Variants in L3MBTL4 observed in about 807,000 individuals in gnomAD.
L3MBTL4 encodes the protein L3MBTL histone methyl-lysine binding protein 4.
A neutral mutation model predicts 84.5 loss-of-function variants in L3MBTL4; 70 were observed. The observed-to-expected ratio is 0.83, with a 90% CI of 0.68 to 1.01. L3MBTL4 has a LOEUF of 1.01. L3MBTL4 is among the 50% of genes least tolerant of loss of function. The probability of loss-of-function intolerance (pLI) is 0.00; values close to 1 mark genes in which losing one functional copy is unlikely to be tolerated. For synonymous variants in L3MBTL4, 274 were observed against 259.8 expected (o/e 1.05, Z -0.52); for missense variants, 715 against 754.8 (o/e 0.95, Z 0.62).
intron 16 of L3MBTL4, among the ~76,000 whole-genome samples, chr18:6,014,772 A>G (rs1481282852): frequency 6.6e-6 from 1 of 152,128 alleles, no homozygotes; most frequent in Non-Finnish European, 1.5e-5. Flanking sequence ...AATATTGGGG[A>G]AACTTTGGCG....
At position 6,115,226 on chromosome 18, in the gene L3MBTL4, T is replaced by C. The variant is rs528162446; in HGVS notation, c.1200-21698A>G. Among the ~76,000 whole-genome samples the C allele has an allele frequency of 4.6e-5, 7 of 152,198 alleles. No homozygotes were observed. The East Asian group carries it at 1.2e-3, about 25-fold the overall frequency. On this transcript the variant is annotated intron_variant, in intron 14 of 18. Transcript: ENST00000317931. ...TGCTTAAAGCAGAGTGGTGGGACAG[T>C]GAGATTCACATTTGGGAATGATTGG... is the stretch of plus-strand genomic sequence containing the variant.
intron 16 of L3MBTL4, among the ~76,000 whole-genome samples, chr18:6,069,559 C>T (rs2145960075): frequency 6.6e-6 from 1 of 152,232 alleles, no homozygotes; most frequent in Non-Finnish European, 1.5e-5. Flanking sequence ...CGGGTCTGTG[C>T]TCTGACTCTT....
chr18:6,149,247 G>C (rs2042785312), intron 13 of L3MBTL4, among the ~76,000 whole-genome samples: 1 of 134,584 alleles, frequency 7.4e-6, no homozygotes, highest in African/African-American at 2.8e-5. Flanking sequence ...CCCTTCCTGT[G>C]TCCATGTGTT....
rs370054561 is a variant in L3MBTL4, at chr18:6,414,578, G to T, written c.-91+223C>A. 6.6e-6 allele frequency: 1 copy of T among 151,990 alleles called. No individual in the cohort carries two copies. Among genetic ancestry groups the T allele is most frequent in the African/African-American group, 2.4e-5 (1 of 41,400 alleles). 9.4% of individuals were successfully genotyped at this position (151,990 alleles called of 1,614,324 possible). ...GACAAGTGAGGCAGCGCCTCTCGCG[G>T]GGAGCCCGGCGCGCGCCCCGGCGGC... is the stretch of plus-strand genomic sequence containing the variant. On this transcript the variant is annotated intron_variant, in intron 1 of 18. Transcript: ENST00000317931. This position sits in a 1 kb window ranked among gnomAD's most constrained non-coding sequence, Gnocchi z 5.4.
At chr18:6,167,767 C>A (rs1014030965) in intron 13 of L3MBTL4, among the ~76,000 whole-genome samples, 12 of 152,268 alleles carry the variant, frequency 7.9e-5, no homozygotes, top group African/African-American at 2.9e-4. Flanking sequence ...AAAACTGGCA[C>A]AAGACAGGGA....
intron 13 of L3MBTL4, among the ~76,000 whole-genome samples, chr18:6,146,858 A>G (rs2042677229): frequency 6.6e-6 from 1 of 152,132 alleles, no homozygotes; most frequent in Admixed American, 6.6e-5. Flanking sequence ...GAGGATGAGC[A>G]GTGGGGCGAT....
intron 1 of L3MBTL4, among the ~76,000 whole-genome samples, chr18:6,391,034 A>C (rs759451552): frequency 3.1e-4 from 47 of 152,284 alleles, no homozygotes; most frequent in Middle Eastern, 3.4e-3. Flanking sequence ...ACAAAAAAAA[A>C]CAAAAGTCTA....
intron 12 of L3MBTL4, among the ~76,000 whole-genome samples, chr18:6,198,560 G>T (rs935938103): frequency 3.9e-5 from 6 of 152,026 alleles, no homozygotes; most frequent in Admixed American, 3.9e-4. Context: ...TTTTCTTCAC[G>T]TTCCTTTGTC....
chr18:6,348,308 A>C (rs545133644), intron 1 of L3MBTL4, among the ~76,000 whole-genome samples: 2 of 152,104 alleles, frequency 1.3e-5, no homozygotes, highest in Non-Finnish European at 2.9e-5. Flanking sequence ...TGGAAATACA[A>C]ATATGAGAAG....
intron 14 of L3MBTL4, among the ~76,000 whole-genome samples, chr18:6,101,919 T>G (rs995537448): frequency 6.6e-6 from 1 of 152,176 alleles, no homozygotes; most frequent in African/African-American, 2.4e-5. Flanking sequence ...TGCATGGCAT[T>G]GAAAGACCCC....
At chr18:5,956,471 T>G in intron 18 of L3MBTL4, 84 bp from the exon 19 acceptor site, 1 of 1,325,424 alleles carries the variant, frequency 7.5e-7, no homozygotes, top group Non-Finnish European at 1.1e-6. Flanking sequence ...GTTCTGAGTG[T>G]GATGTGGAAC....
At chr18:5,993,492 T>A (rs2053798536) in intron 16 of L3MBTL4, among the ~76,000 whole-genome samples, 1 of 152,234 alleles carries the variant, frequency 6.6e-6, no homozygotes, top group African/African-American at 2.4e-5. Flanking sequence ...TATTTCACTC[T>A]ATTTCTGAAC....
intron 16 of L3MBTL4, among the ~76,000 whole-genome samples, chr18:5,980,214 A>G (rs1018654543): frequency 5.9e-5 from 9 of 152,162 alleles, no homozygotes; most frequent in Non-Finnish European, 1.2e-4. Flanking sequence ...CTGTTTTCAC[A>G]GGCTTATGTG....
At chr18:6,286,286 A>G (rs1016870692) in intron 4 of L3MBTL4, among the ~76,000 whole-genome samples, 8 of 151,794 alleles carry the variant, frequency 5.3e-5, no homozygotes, top group Non-Finnish European at 7.4e-5. Context: ...CAATATGGTG[A>G]AACCCCATCT....
chr18:6,342,141 A>G (rs2052637904), intron 1 of L3MBTL4, among the ~76,000 whole-genome samples: 1 of 152,214 alleles, frequency 6.6e-6, no homozygotes, highest in South Asian at 2.1e-4. Context: ...AGAGTTCTTC[A>G]AAGTTTAAAC....
At chr18:6,127,592 T>C (rs1346372202) in intron 14 of L3MBTL4, among the ~76,000 whole-genome samples, 3 of 152,208 alleles carry the variant, frequency 2.0e-5, no homozygotes, top group Non-Finnish European at 4.4e-5. Flanking sequence ...CCTTTCTCTC[T>C]CTACTAAAAT....
chr18:6,185,473 C>T (rs575079698), intron 12 of L3MBTL4, among the ~76,000 whole-genome samples: 1 of 152,276 alleles, frequency 6.6e-6, no homozygotes, highest in East Asian at 1.9e-4. Flanking sequence ...ACCTCCCTCA[C>T]TGCAGGCTGC....
intron 16 of L3MBTL4, among the ~76,000 whole-genome samples, chr18:6,040,106 T>A (rs2056334011): frequency 1.3e-5 from 2 of 151,976 alleles, no homozygotes; most frequent in Admixed American, 1.3e-4. Flanking sequence ...AGAAAGAAAT[T>A]AAAAATACTT....
chr18:6,334,757 G>A (rs1014952086), intron 1 of L3MBTL4, among the ~76,000 whole-genome samples: 6 of 152,110 alleles, frequency 3.9e-5, no homozygotes, highest in Non-Finnish European at 7.4e-5. Context: ...TTGGGGGTAA[G>A]GAGATTTCTT....
Sources: gnomAD v4.1 joint callset for allele counts (sites outside exome capture counted in the v4.1 genomes callset) on GRCh38, gnomAD v4.1.1 for gene constraint, Gnocchi (gnomAD v3.1) non-coding constraint, MANE v1.5 for transcripts, NCBI Gene and HGNC (gene_info 2026-07-23, HGNC 2026-07-21) for gene names.